Variants in TRAM2 observed in about 807,000 individuals in gnomAD.
TRAM2 encodes the protein translocation associated membrane protein 2.
TRAM2 carries 12 observed loss-of-function variants against 51.0 expected under a neutral mutation model. The observed-to-expected ratio is 0.24, with a 90% CI of 0.15 to 0.38. The LOEUF is 0.38. TRAM2 is among the 10% of genes least tolerant of loss of function. TRAM2 has a pLI of 1.00. For missense variants in TRAM2, 361 were observed against 462.0 expected (o/e 0.78, Z 2.00); for synonymous variants, 175 against 179.4 (o/e 0.98, Z 0.20).
intron 4 of TRAM2, among the ~76,000 whole-genome samples, chr6:52,511,215 C>T (rs1003669948): frequency 1.4e-4 from 21 of 152,294 alleles, no homozygotes; most frequent in East Asian, 7.7e-4. Flanking sequence ...GCGATTCTCC[C>T]GCCTCAGTCC....
At position 52,504,626 on chromosome 6, in the gene TRAM2, G is replaced by T; in HGVS notation, c.1004C>A (p.Pro335His). 1.2e-6 allele frequency: 2 copies of T among 1,614,128 alleles called. No individual in the cohort carries two copies. The highest frequency in any genetic ancestry group is 3.3e-4 in the Middle Eastern group (2 of 6,014). The stretch of plus-strand genomic sequence containing the variant: ...CTTGATGAGCCTGGCTGGTAGTCTG[G>T]GTGTGGCTGGGACTCTCCGCTTTGC... The part of the protein sequence containing the change: ...QSAKRRVPAT[P>H]RLPARLIKRE... The change falls in exon 10 of 11, where the codon CCC becomes CAC. Residue 335 changes from proline (P) to histidine (H), a missense_variant. Physicochemically the swap from Pro to His is moderately conservative, Grantham distance 77. Coordinates refer to ENST00000182527, the MANE Select transcript of TRAM2 (RefSeq NM_012288.4).
At chr6:52,504,193 G>A (rs1412467428) in intron 10 of TRAM2, among the ~76,000 whole-genome samples, 3 of 152,228 alleles carry the variant, frequency 2.0e-5, no homozygotes, top group African/African-American at 7.2e-5. Context: ...GGCAGGGGCA[G>A]GCTAAGATGT....
intron 7 of TRAM2, among the ~76,000 whole-genome samples, chr6:52,507,259 T>C (rs1766366210): frequency 6.6e-6 from 1 of 152,218 alleles, no homozygotes; most frequent in Non-Finnish European, 1.5e-5. Context: ...GAAGTCTTCC[T>C]GGCTGTCTCT....
chr6:52,552,494 G>A (rs1415826400), intron 1 of TRAM2, among the ~76,000 whole-genome samples: 2 of 152,220 alleles, frequency 1.3e-5, no homozygotes, highest in Non-Finnish European at 2.9e-5. Flanking sequence ...TTCCCTGACA[G>A]CTCAGCCACA....
chr6:52,516,826 C>T (rs902977039), intron 2 of TRAM2, 89 bp from the exon 3 acceptor site: 39 of 1,009,280 alleles, frequency 3.9e-5, no homozygotes, highest in Admixed American at 3.7e-4. Context: ...AGGCGAAATG[C>T]GCCATCAAAT....
At chr6:52,576,429 G>A (rs374242519) in intron 1 of TRAM2, among the ~76,000 whole-genome samples, 4 of 152,362 alleles carry the variant, frequency 2.6e-5, no homozygotes, top group East Asian at 3.9e-4. Context: ...GCGGGTCTGG[G>A]AGTCTCTGGG....
chr6:52,552,287 C>A (rs979485893), intron 1 of TRAM2, among the ~76,000 whole-genome samples: 3 of 152,236 alleles, frequency 2.0e-5, no homozygotes, highest in African/African-American at 7.2e-5. Context: ...GGCTCCCCAG[C>A]CCTTTCACTA....
rs532215420 is a variant in TRAM2, at chr6:52,552,049, A to G, written c.121-16203T>C. 1.7e-3 allele frequency among the ~76,000 whole-genome samples: 256 copies of G among 152,390 alleles called. 1 individual carries two copies. The highest frequency in any genetic ancestry group is 6.0e-3 in the African/African-American group (250 of 41,596). The stretch of plus-strand genomic sequence containing the variant: ...GGACACTTGATCTTCTGAGATCCCA[A>G]TTTGGGAACGTTAACACGGAAACCC... On this transcript the variant is annotated intron_variant, in intron 1 of 10. Coordinates refer to ENST00000182527, the MANE Select transcript of TRAM2 (RefSeq NM_012288.4).
intron 1 of TRAM2, among the ~76,000 whole-genome samples, chr6:52,556,941 A>C: frequency 6.7e-6 from 1 of 149,454 alleles, no homozygotes; most frequent in East Asian, 2.0e-4. Flanking sequence ...AAAAAAAAAA[A>C]AAATCATTTT....
At chr6:52,521,429 C>T (rs1444537916) in intron 2 of TRAM2, among the ~76,000 whole-genome samples, 1 of 151,624 alleles carries the variant, frequency 6.6e-6, no homozygotes, top group African/African-American at 2.4e-5. Context: ...CGCGGTGGCT[C>T]ACACCTGTAA....
chr6:52,507,419 G>T, intron 7 of TRAM2, 134 bp downstream of exon 7: 4 of 812,094 alleles, frequency 4.9e-6, no homozygotes, highest in Non-Finnish European at 7.8e-6. Flanking sequence ...TACCATCTTT[G>T]TATTGCCAAG....
At chr6:52,508,349 G>A (rs752293608) in intron 5 of TRAM2, 31 bp from the exon 6 acceptor site, 4 of 1,606,442 alleles carry the variant, frequency 2.5e-6, no homozygotes, top group South Asian at 2.2e-5. Context: ...CACACGGGCA[G>A]GATAGAGAAA....
intron 5 of TRAM2, among the ~76,000 whole-genome samples, 176 bp from the exon 6 acceptor site, chr6:52,508,494 C>T (rs962331872): frequency 6.6e-6 from 1 of 152,226 alleles, no homozygotes; most frequent in Non-Finnish European, 1.5e-5. Flanking sequence ...CTGGCTTCTC[C>T]ATTGGCCTGT....
At position 52,505,599 on chromosome 6, in the gene TRAM2, C is replaced by T. The variant is rs1485621272; in HGVS notation, c.875G>A (p.Arg292Lys). The stretch of plus-strand genomic sequence containing the variant: ...CACCTTGGACTTCTGCTCGACTCAC[C>T]TGCAAAACAAAGTGTTGAAGTTCCC... ...EKGNFNTLFC[R>K]LCVLLLVCAA... The change falls in exon 9 of 11, where the codon AGG becomes AAG. Residue 292 changes from arginine (R) to lysine (K), a missense_variant and splice_region_variant. Coordinates refer to ENST00000182527, the MANE Select transcript of TRAM2 (RefSeq NM_012288.4). The T allele has an allele frequency of 6.2e-7, 1 of 1,608,728 alleles. No individual in the cohort carries two copies. The highest frequency in any genetic ancestry group is 1.3e-5 in the African/African-American group (1 of 74,970).
rs902242154 is a variant in TRAM2 at position 52,502,251 on chromosome 6, C to T, written c.*946G>A. Reference sequence around the variant, plus strand: ...TCTGGAGGTGAGGACCAGCCTATCTCAGGCAGGTATATGAACTGCTGTTTG... The same window carrying T: ...TCTGGAGGTGAGGACCAGCCTATCTTAGGCAGGTATATGAACTGCTGTTTG... On this transcript the variant is annotated 3_prime_UTR_variant, in exon 11 of 11. Transcript: ENST00000182527. 6.6e-6 allele frequency: 1 copy of T among 152,274 alleles called. No individual in the cohort carries two copies. The highest frequency in any genetic ancestry group is 2.4e-5 in the African/African-American group (1 of 41,470). The allele number at this position is 152,274 out of a possible 1,614,324, so 9.4% of individuals were successfully genotyped here.
rs768182515 is a variant in TRAM2 at position 52,576,756 on chromosome 6, G to C, written c.120+40C>G. On this transcript the variant is annotated intron_variant, in intron 1 of 10. Transcript: ENST00000182527. Reference sequence around the variant, plus strand: ...GGTGTGCCGGGCGGTGCACGACAGGGGGCACTGTCCCTCCAGCTCCCTCCT... The same window carrying C: ...GGTGTGCCGGGCGGTGCACGACAGGCGGCACTGTCCCTCCAGCTCCCTCCT... The C allele has an allele frequency of 6.2e-6, 10 of 1,603,802 alleles. No individual in the cohort carries two copies. The African/African-American group carries it at 9.4e-5, about 15-fold the overall frequency.
At chr6:52,513,412 G>A (rs1289189670) in intron 4 of TRAM2, among the ~76,000 whole-genome samples, 1 of 152,146 alleles carries the variant, frequency 6.6e-6, no homozygotes, top group Non-Finnish European at 1.5e-5. Flanking sequence ...CCATACCAGG[G>A]ATACAGCAGT....
chr6:52,504,611 C>G lies in TRAM2; in HGVS notation c.1019G>C (p.Arg340Thr), dbSNP rs778188890. Residue 340 changes from arginine to threonine, a missense_variant, in exon 10 of 11, where the codon AGG becomes ACG. Arg to Thr is a moderately conservative substitution (Grantham distance 71). Transcript: ENST00000182527. ...CTCACCAGATTCCCTCTTGATGAGC[C>G]TGGCTGGTAGTCTGGGTGTGGCTGG... ...RVPATPRLPA[R>T]LIKRESGYHE... The G allele has an allele frequency of 6.2e-7, 1 of 1,614,064 alleles. No homozygotes were observed. The highest frequency in any genetic ancestry group is 8.5e-7 in the Non-Finnish European group (1 of 1,180,060).
At position 52,502,949 on chromosome 6, in the gene TRAM2, G is replaced by C. The variant is rs567325314; in HGVS notation, c.*248C>G. The C allele has an allele frequency of 2.4e-4, 135 of 573,882 alleles. 1 individual carries two copies. The highest frequency in any genetic ancestry group is 2.4e-4 in the Admixed American group (8 of 32,836). The allele number at this position is 573,882 out of a possible 1,614,324, so 35.5% of individuals were successfully genotyped here. Reference sequence around the variant, plus strand: ...AGAAAAGCCAGCACAGGACAGGAGTGAGGACAGGAGGTGGCCTGAGGGGGA... The same window carrying C: ...AGAAAAGCCAGCACAGGACAGGAGTCAGGACAGGAGGTGGCCTGAGGGGGA... On this transcript the variant is annotated 3_prime_UTR_variant, in exon 11 of 11. Transcript: ENST00000182527.
Sources: gnomAD v4.1 joint callset for allele counts (sites outside exome capture counted in the v4.1 genomes callset) on GRCh38, gnomAD v4.1.1 for gene constraint, MANE v1.5 for transcripts, NCBI Gene and HGNC (gene_info 2026-07-23, HGNC 2026-07-21) for gene names.